The following FAM53B variants were observed in gnomAD, a reference collection of about 807,000 sequenced individuals.
FAM53B encodes the protein family with sequence similarity 53 member B.
A neutral mutation model predicts 32.7 loss-of-function variants in FAM53B; 12 were observed. That is an observed-to-expected ratio of 0.37 (90% CI 0.24 to 0.59). FAM53B has a LOEUF of 0.59. Ranked by LOEUF, FAM53B falls within the 20% of genes least tolerant of loss-of-function variation. The pLI is 0.72. For synonymous variants in FAM53B, 234 were observed against 228.7 expected (o/e 1.02, Z -0.21); for missense variants, 477 against 577.7 (o/e 0.83, Z 1.79).
intron 4 of FAM53B, among the ~76,000 whole-genome samples, chr10:124,642,362 C>A (rs1949481967): frequency 6.6e-6 from 1 of 152,234 alleles, no homozygotes; most frequent in Non-Finnish European, 1.5e-5. Context: ...ACCAACGCCT[C>A]TCCGGTGGTT....
intron 1 of FAM53B, among the ~76,000 whole-genome samples, chr10:124,739,671 T>C (rs917721922): frequency 3.3e-5 from 5 of 152,236 alleles, no homozygotes; most frequent in East Asian, 1.9e-4. Flanking sequence ...GTCTCCATGA[T>C]AGTCCAGCGT....
At chr10:124,718,359 A>C (rs1484241892) in intron 1 of FAM53B, among the ~76,000 whole-genome samples, 1 of 152,140 alleles carries the variant, frequency 6.6e-6, no homozygotes, top group African/African-American at 2.4e-5. Context: ...TGTAGAAATT[A>C]ATCAGACAGG....
At chr10:124,667,977 G>A (rs1225347640) in intron 4 of FAM53B, among the ~76,000 whole-genome samples, 1 of 152,126 alleles carries the variant, frequency 6.6e-6, no homozygotes, top group Admixed American at 6.5e-5. Context: ...GCTGGTGAGG[G>A]GCACACCAAG....
intron 4 of FAM53B, among the ~76,000 whole-genome samples, chr10:124,650,082 G>GT (rs1949546744): frequency 6.6e-6 from 1 of 152,122 alleles, no homozygotes; most frequent in Non-Finnish European, 1.5e-5. Context: ...CTGGCGACAG[G>GT]TACAGATGAC....
At chr10:124,688,520 G>A (rs1382121619) in intron 3 of FAM53B, among the ~76,000 whole-genome samples, 5 of 152,248 alleles carry the variant, frequency 3.3e-5, no homozygotes, top group Admixed American at 6.5e-5. Context: ...TTCTCTCACA[G>A]TCTTGGACAG....
In FAM53B at chr10:124,651,774, T is replaced by C. The variant is rs1949558181; in HGVS notation, c.907-28170A>G. 6.6e-6 allele frequency among the ~76,000 whole-genome samples: 1 copy of C among 152,226 alleles called. No individual in the cohort carries two copies. Among genetic ancestry groups the C allele is most frequent in the African/African-American group, 2.4e-5 (1 of 41,476 alleles). ...CCTCAGGTCGGCAGTGACTGGGCAC[T>C]GGCACATGGCGGGGACACGCCACCC... is the stretch of plus-strand genomic sequence containing the variant. On this transcript the variant is annotated intron_variant, in intron 4 of 4. Transcript: ENST00000337318. The surrounding 1 kb of genome is among the most constrained non-coding windows in gnomAD (Gnocchi z 5.2).
chr10:124,675,394 C>G (rs1949730775), intron 4 of FAM53B, among the ~76,000 whole-genome samples: 1 of 152,162 alleles, frequency 6.6e-6, no homozygotes, highest in Admixed American at 6.5e-5. Flanking sequence ...AGTGGAGAGC[C>G]CAGGACACTG....
chr10:124,670,657 A>G (rs1949702578), intron 4 of FAM53B, among the ~76,000 whole-genome samples: 1 of 152,044 alleles, frequency 6.6e-6, no homozygotes, highest in East Asian at 1.9e-4. Context: ...TACTCAGGAC[A>G]TTCTCCCTGA....
chr10:124,676,806 G>C (rs1276861256), intron 4 of FAM53B, among the ~76,000 whole-genome samples: 1 of 152,096 alleles, frequency 6.6e-6, no homozygotes, highest in Non-Finnish European at 1.5e-5. Context: ...AAGACGTGCT[G>C]GCATGCTGGT....
At chr10:124,706,224 T>G (rs1016990536) in intron 2 of FAM53B, among the ~76,000 whole-genome samples, 1 of 152,124 alleles carries the variant, frequency 6.6e-6, no homozygotes, top group Non-Finnish European at 1.5e-5. Context: ...TCTCCCACTC[T>G]CGACGTTCCT....
intron 2 of FAM53B, among the ~76,000 whole-genome samples, chr10:124,697,118 C>A (rs1009139309): frequency 6.6e-6 from 1 of 152,062 alleles, no homozygotes; most frequent in African/African-American, 2.4e-5. Context: ...CAGCCAGAGC[C>A]CCAGGAAGGA....
At chr10:124,699,961 G>C (rs956739828) in intron 2 of FAM53B, among the ~76,000 whole-genome samples, 3 of 152,308 alleles carry the variant, frequency 2.0e-5, no homozygotes, top group Middle Eastern at 3.4e-3. Context: ...GTTCTCTTTC[G>C]GGGTGAGTTA....
intron 3 of FAM53B, among the ~76,000 whole-genome samples, chr10:124,683,967 G>C (rs1034719071): frequency 7.2e-5 from 11 of 152,234 alleles, no homozygotes; most frequent in Admixed American, 6.5e-4. Context: ...CAAAGGGAGG[G>C]CCAGGAGCCC....
chr10:124,637,858 C>T (rs1267883271), intron 4 of FAM53B, among the ~76,000 whole-genome samples: 1 of 152,206 alleles, frequency 6.6e-6, no homozygotes, highest in African/African-American at 2.4e-5. Flanking sequence ...TGAAATGAAA[C>T]AGCCACCCCA....
intron 2 of FAM53B, among the ~76,000 whole-genome samples, chr10:124,702,448 C>T (rs760384010): frequency 3.3e-5 from 5 of 152,178 alleles, no homozygotes; most frequent in Non-Finnish European, 5.9e-5. Context: ...CATCACTAGA[C>T]TAAGATTATT....
chr10:124,623,087 C>T lies in FAM53B; in HGVS notation c.*155G>A. The T allele has an allele frequency of 1.0e-6, 1 of 1,002,304 alleles. No individual in the cohort carries two copies. The highest frequency in any genetic ancestry group is 1.6e-5 in the South Asian group (1 of 61,328). The allele number at this position is 1,002,304 out of a possible 1,614,324, so 62.1% of individuals were successfully genotyped here. A position where few individuals can be genotyped will look rare whatever the true frequency, so the allele number is the denominator to read the frequency against. ...GACGCGGCCAGGCCAGGCTCTCCCC[C>T]AGGCAGCAGGTGGGCTCCCTCTCTG... On this transcript the variant is annotated 3_prime_UTR_variant, in exon 5 of 5. Transcript: ENST00000337318.
chr10:124,686,942 C>T (rs560302344), intron 3 of FAM53B, among the ~76,000 whole-genome samples: 2 of 152,208 alleles, frequency 1.3e-5, no homozygotes, highest in African/African-American at 4.8e-5. Flanking sequence ...GACAGAGTCA[C>T]GTCTAAAATA....
chr10:124,724,283 G>A (rs955661133), intron 1 of FAM53B, among the ~76,000 whole-genome samples: 4 of 152,194 alleles, frequency 2.6e-5, no homozygotes, highest in Non-Finnish European at 5.9e-5. Flanking sequence ...AGCAAGCTAG[G>A]GGGACGGGGC....
chr10:124,698,474 G>A (rs12762597), intron 2 of FAM53B, among the ~76,000 whole-genome samples: 31,802 of 152,108 alleles, frequency 0.21, 3,758 homozygotes, highest in Non-Finnish European at 0.26. Context: ...TCCTGACCCA[G>A]GCCTTCGCAA....
Sources: allele counts gnomAD v4.1 joint callset (sites outside exome capture counted in the v4.1 genomes callset), GRCh38; gene constraint gnomAD v4.1.1; non-coding constraint Gnocchi (gnomAD v3.1); transcripts MANE v1.5; gene names NCBI Gene and HGNC (gene_info 2026-07-23, HGNC 2026-07-21).